Variants in CCDC30 observed in about 807,000 individuals in gnomAD.
The protein encoded by CCDC30 is coiled-coil domain containing 30.
CCDC30 carries 70 observed loss-of-function variants against 100.2 expected under a neutral mutation model. That is an observed-to-expected ratio of 0.70 (90% CI 0.58 to 0.85). The LOEUF (loss-of-function observed/expected upper bound fraction) is 0.85. Among genes scored for constraint, CCDC30 ranks in the 40% least tolerant of loss-of-function variants. The pLI, the probability that CCDC30 is intolerant of heterozygous loss-of-function variation, is 0.00. For missense variants in CCDC30, 652 were observed against 771.2 expected, an observed-to-expected ratio of 0.85 and a Z score of 1.83; for synonymous variants, 233 against 269.5, an observed-to-expected ratio of 0.86 and a Z score of 1.33.
intron 6 of CCDC30, among the ~76,000 whole-genome samples, chr1:42,525,422 C>T (rs1353161812): frequency 6.6e-6 from 1 of 152,030 alleles, no homozygotes; most frequent in Non-Finnish European, 1.5e-5. Context: ...TTAATCCCAT[C>T]CCATGAATCA....
intron 1 of CCDC30, among the ~76,000 whole-genome samples, chr1:42,479,700 G>A (rs1285906658): frequency 6.6e-6 from 1 of 152,026 alleles, no homozygotes; most frequent in Non-Finnish European, 1.5e-5. Context: ...ATTGATAGCA[G>A]CTTATTAGTC....
chr1:42,588,839 T>C (rs991324191), intron 9 of CCDC30, among the ~76,000 whole-genome samples: 1 of 152,220 alleles, frequency 6.6e-6, no homozygotes, highest in Non-Finnish European at 1.5e-5. Flanking sequence ...TTCTGTGAGT[T>C]CCTTTACCCT....
At chr1:42,601,624 G>A (rs543691114) in intron 10 of CCDC30, among the ~76,000 whole-genome samples, 2 of 152,294 alleles carry the variant, frequency 1.3e-5, no homozygotes, top group South Asian at 4.1e-4. Context: ...CACCCATCTA[G>A]TCCTGAAAAG....
Position 42,493,076 on chromosome 1 carries a change from T to G in CCDC30, c.241+2847T>G, listed in dbSNP as rs564872278. Among the ~76,000 whole-genome samples the G allele has an allele frequency of 2.0e-5, 3 of 152,218 alleles. No homozygotes were observed. The South Asian group carries it at 6.2e-4, about 32-fold the overall frequency. Reference sequence around the variant, plus strand: ...TCTGTGACATAGCTAAATCAGTACTTAGAGGGAATTTTATAGTATTTAATG... The same window carrying G: ...TCTGTGACATAGCTAAATCAGTACTGAGAGGGAATTTTATAGTATTTAATG... On this transcript the variant is annotated intron_variant, in intron 4 of 16. Transcript: ENST00000668663.
At chr1:42,589,606 G>A in intron 10 of CCDC30, 123 bp downstream of exon 14, 1 of 808,862 alleles carries the variant, frequency 1.2e-6, no homozygotes. Flanking sequence ...CAGGAAAGTA[G>A]AATCTACTCT....
At chr1:42,539,450 C>A in intron 6 of CCDC30, 140 bp downstream of exon 8, 1 of 593,880 alleles carries the variant, frequency 1.7e-6, no homozygotes, top group South Asian at 3.9e-5. Flanking sequence ...TTGCCATATA[C>A]TGCCATATAC....
chr1:42,637,279 A>G (rs1257924288), exon 12 of CCDC30: 34 of 1,582,330 alleles, frequency 2.1e-5, no homozygotes, highest in East Asian at 2.2e-5. Context: ...TCAAGCTTCA[A>G]AAAGTCAAGT....
rs1646142095 is a variant in CCDC30 at position 42,589,502 on chromosome 1, A to G, written c.1164+19A>G. Reference sequence around the variant, plus strand: ...TGATGAGGTAAGAAAGTAAATAGACATGCTTCTCAGTTTTCCTATTCCCAT... The same window carrying G: ...TGATGAGGTAAGAAAGTAAATAGACGTGCTTCTCAGTTTTCCTATTCCCAT... On this transcript the variant is annotated intron_variant, in intron 10 of 16. Transcript: ENST00000668663. 1 of 1,603,022 alleles carries G rather than the reference A, an allele frequency of 6.2e-7. No homozygotes were observed. The highest frequency in any genetic ancestry group is 8.5e-7 in the Non-Finnish European group (1 of 1,171,016).
chr1:42,533,353 A>G (rs1443713711), intron 6 of CCDC30, among the ~76,000 whole-genome samples: 1 of 152,136 alleles, frequency 6.6e-6, no homozygotes. Flanking sequence ...AGAGAGGTGG[A>G]GGGGTATTGA....
chr1:42,462,983 G>C (rs1643449973), upstream of CCDC30, among the ~76,000 whole-genome samples: 1 of 152,230 alleles, frequency 6.6e-6, no homozygotes, highest in Non-Finnish European at 1.5e-5. Context: ...AAGGTTAGTA[G>C]GCAGGGGCTC....
chr1:42,528,780 G>A (rs867975876), intron 6 of CCDC30, among the ~76,000 whole-genome samples: 1 of 152,150 alleles, frequency 6.6e-6, no homozygotes, highest in Non-Finnish European at 1.5e-5. Context: ...TGTCTGTATC[G>A]TAGAACTTAT....
At chr1:42,471,340 C>T (rs1643764380) in intron 1 of CCDC30, among the ~76,000 whole-genome samples, 1 of 152,188 alleles carries the variant, frequency 6.6e-6, no homozygotes, top group Non-Finnish European at 1.5e-5. Flanking sequence ...GCAAGCAACC[C>T]ACAGTACAGG....
chr1:42,576,280 A>T (rs1645835749), intron 7 of CCDC30, among the ~76,000 whole-genome samples: 1 of 152,218 alleles, frequency 6.6e-6, no homozygotes, highest in Non-Finnish European at 1.5e-5. Context: ...AAATGACACA[A>T]ATGGATTAAT....
chr1:42,564,180 C>A (rs949459928), intron 6 of CCDC30, among the ~76,000 whole-genome samples: 20 of 152,128 alleles, frequency 1.3e-4, no homozygotes, highest in African/African-American at 4.3e-4. Context: ...AGATTGAATT[C>A]TTTATCTATT....
At chr1:42,526,637 T>A (rs1016406623) in intron 6 of CCDC30, among the ~76,000 whole-genome samples, 3 of 152,196 alleles carry the variant, frequency 2.0e-5, no homozygotes, top group African/African-American at 7.2e-5. Flanking sequence ...AGACTTAATG[T>A]TCTGTGGTTT....
At chr1:42,651,930 C>T (rs1648385659) in intron 15 of CCDC30, among the ~76,000 whole-genome samples, 1 of 151,994 alleles carries the variant, frequency 6.6e-6, no homozygotes, top group South Asian at 2.1e-4. Flanking sequence ...AAAAGGGAAA[C>T]CTTGTACACT....
upstream of CCDC30, chr1:42,459,484 A>T (rs986433953): frequency 3.4e-6 from 3 of 887,742 alleles, no homozygotes; most frequent in Admixed American, 8.4e-5. Flanking sequence ...TAAACATTTA[A>T]CTGAAAAGTT....
At chr1:42,538,180 A>G (rs1644944075) in intron 6 of CCDC30, among the ~76,000 whole-genome samples, 1 of 127,768 alleles carries the variant, frequency 7.8e-6, no homozygotes, top group Non-Finnish European at 1.6e-5. Flanking sequence ...AAAAAAAAAA[A>G]TTAGCCAGGT....
In CCDC30 at chr1:42,463,341, G is replaced by T. The variant is rs760730264; in HGVS notation, c.-649G>T. On this transcript the variant is annotated 5_prime_UTR_variant, in exon 1 of 17. Coordinates refer to ENST00000668663, the Ensembl canonical transcript of CCDC30. The stretch of plus-strand genomic sequence containing the variant: ...GCAGCTAGCAGCTGAGCGCGTAGGG[G>T]CCGAGCGACCCCGGGACGCTCGCGG... 9.2e-5 allele frequency: 14 copies of T among 152,258 alleles called. 1 individual carries two copies. The highest frequency in any genetic ancestry group is 1.6e-4 in the Non-Finnish European group (11 of 68,052). 9.4% of individuals were successfully genotyped at this position (152,258 alleles called of 1,614,324 possible).
Sources: gnomAD v4.1 joint callset for allele counts (sites outside exome capture counted in the v4.1 genomes callset) on GRCh38, gnomAD v4.1.1 for gene constraint, MANE v1.5 for transcripts, NCBI Gene and HGNC (gene_info 2026-07-23, HGNC 2026-07-21) for gene names.